SLC6A2: variants seen among roughly 807,000 people sequenced by gnomAD.
The protein encoded by SLC6A2 is sodium-dependent noradrenaline transporter.
In SLC6A2, 26 loss-of-function variants were observed where a neutral mutation model predicts 71.7. That is an observed-to-expected ratio of 0.36 (90% CI 0.27 to 0.50). The LOEUF (loss-of-function observed/expected upper bound fraction) is 0.50, where lower values mean the gene tolerates loss of function less well. SLC6A2 is among the 20% of genes least tolerant of loss of function. SLC6A2 has a pLI of 0.96. For synonymous variants in SLC6A2, 363 were observed against 337.9 expected (o/e 1.07, Z -0.82); for missense variants, 581 against 803.9 (o/e 0.72, Z 3.35).
chr16:55,690,814 G>C (rs2142579188), intron 5 of SLC6A2, among the ~76,000 whole-genome samples: 1 of 152,228 alleles, frequency 6.6e-6, no homozygotes, highest in East Asian at 1.9e-4. Flanking sequence ...CTTCCCCCAG[G>C]GTATTTGAAT....
intron 5 of SLC6A2, among the ~76,000 whole-genome samples, chr16:55,691,512 C>G (rs1258969774): frequency 2.0e-5 from 3 of 152,208 alleles, no homozygotes; most frequent in African/African-American, 7.2e-5. Flanking sequence ...TCTCTAGGCT[C>G]TTTTCCTTTA....
intron 4 of SLC6A2, among the ~76,000 whole-genome samples, chr16:55,682,504 T>A (rs1965305533): frequency 2.0e-5 from 3 of 152,124 alleles, no homozygotes; most frequent in African/African-American, 7.2e-5. Flanking sequence ...GCTGGGAGCA[T>A]TTATCTGTTT....
chr16:55,657,116 G>GAAA, intron 2 of SLC6A2, 148 bp downstream of exon 2: 4 of 709,310 alleles, frequency 5.6e-6, no homozygotes, highest in Admixed American at 2.9e-5. Context: ...GGGCTAACGG[G>GAAA]AAAAAAAAAG....
At position 55,670,847 on chromosome 16, in the gene SLC6A2, C is replaced by T. The variant is rs140571457; in HGVS notation, c.407-1091C>T. On this transcript the variant is annotated intron_variant, in intron 3 of 14. Transcript: ENST00000568943. ...TCTGATTGGCCAGGCATACATCTTGCGATGGAGGAAGAGTGGGGAGTAGCC... is the reference window on the plus strand; with the variant it reads ...TCTGATTGGCCAGGCATACATCTTGTGATGGAGGAAGAGTGGGGAGTAGCC... 7.9e-5 allele frequency among the ~76,000 whole-genome samples: 12 copies of T among 152,278 alleles called. 1 individual carries two copies. The East Asian group carries it at 2.3e-3, about 29-fold the overall frequency.
chr16:55,704,423 C>T lies in SLC6A2; in HGVS notation c.*2077C>T, dbSNP rs1226859537. On this transcript the variant is annotated 3_prime_UTR_variant, in exon 15 of 15. Coordinates refer to ENST00000568943, the MANE Select transcript of SLC6A2 (RefSeq NM_001172501.3). ...TCCCTGCACAATAGGGTTCACCCCA[C>T]CCAGGACTGTCATTTTTAAAAAACT... The T allele has an allele frequency of 6.6e-6, 1 of 152,150 alleles. No homozygotes were observed. The highest frequency in any genetic ancestry group is 2.4e-5 in the African/African-American group (1 of 41,418). The allele number at this position is 152,150 out of a possible 1,614,324, so 9.4% of individuals were successfully genotyped here.
chr16:55,669,851 C>G (rs147250240), intron 3 of SLC6A2, among the ~76,000 whole-genome samples, 155 bp downstream of exon 3: 74 of 152,268 alleles, frequency 4.9e-4, no homozygotes, highest in Non-Finnish European at 8.2e-4. Flanking sequence ...TTCCAAGTTA[C>G]GTGGAGAGCA....
In SLC6A2 at chr16:55,657,902, A is replaced by AG. The variant is rs1174007573; in HGVS notation, c.274+938dup. On this transcript the variant is annotated intron_variant, in intron 2 of 14. Coordinates refer to ENST00000568943, the MANE Select transcript of SLC6A2 (RefSeq NM_001172501.3). ...GCCCCCACCCCCTAGCTCCTTCCTG[A>AG]GGGGCTTTGCTCCTGCCACTTTTGC... 5.8e-5 allele frequency among the ~76,000 whole-genome samples: 6 copies of AG among 103,348 alleles called. No homozygotes were observed. In the East Asian group the frequency reaches 1.7e-3, roughly 29 times the overall value. 67.8% of individuals were successfully genotyped at this position (103,348 alleles called of 152,430 possible). A position where few individuals can be genotyped will look rare whatever the true frequency, so the allele number is the denominator to read the frequency against.
chr16:55,691,148 G>T lies in SLC6A2; in HGVS notation c.784-770G>T, dbSNP rs544344518. On this transcript the variant is annotated intron_variant, in intron 5 of 14. Coordinates refer to ENST00000568943, the MANE Select transcript of SLC6A2 (RefSeq NM_001172501.3). Reference sequence around the variant, plus strand: ...GATAAACATAAGGGAGAGAGTGGAGGAGAGGGAGATGAGGGAGGGGAGAGC... The same window carrying T: ...GATAAACATAAGGGAGAGAGTGGAGTAGAGGGAGATGAGGGAGGGGAGAGC... Among the ~76,000 whole-genome samples the T allele has an allele frequency of 5.5e-4, 82 of 149,760 alleles. 2 individuals carry two copies. The highest frequency in any genetic ancestry group is 2.0e-3 in the African/African-American group (80 of 40,576).
intron 13 of SLC6A2, among the ~76,000 whole-genome samples, 184 bp from the exon 14 acceptor site, chr16:55,701,679 G>T (rs1965974956): frequency 6.6e-6 from 1 of 152,228 alleles, no homozygotes; most frequent in Admixed American, 6.5e-5. Context: ...ACAGTGTCTG[G>T]ATGAGTGACT....
At chr16:55,685,776 C>T (rs2840109) in intron 5 of SLC6A2, among the ~76,000 whole-genome samples, 3,581 of 152,186 alleles carry the variant, frequency 0.024, 131 homozygotes, top group African/African-American at 0.078. Context: ...TGTGTTTCCT[C>T]GGATACAGAA....
chr16:55,657,531 A>T (rs1170227090), intron 2 of SLC6A2, among the ~76,000 whole-genome samples: 1 of 152,210 alleles, frequency 6.6e-6, no homozygotes, highest in Non-Finnish European at 1.5e-5. Context: ...GGGGATAGAA[A>T]CACACAAGAA....
chr16:55,672,786 A>C (rs1161291262), intron 4 of SLC6A2, among the ~76,000 whole-genome samples: 2 of 152,264 alleles, frequency 1.3e-5, no homozygotes, highest in Non-Finnish European at 2.9e-5. Context: ...AGCTGTATGC[A>C]GCTCTGAGAA....
At chr16:55,667,941 C>T (rs1358326905) in intron 2 of SLC6A2, among the ~76,000 whole-genome samples, 2 of 152,228 alleles carry the variant, frequency 1.3e-5, no homozygotes, top group Non-Finnish European at 2.9e-5. Context: ...TTTAATTTCT[C>T]CAACCCTCAG....
At chr16:55,690,994 T>A (rs941011412) in intron 5 of SLC6A2, among the ~76,000 whole-genome samples, 1 of 152,106 alleles carries the variant, frequency 6.6e-6, no homozygotes, top group Admixed American at 6.5e-5. Context: ...GTTGTCTGTG[T>A]CCCACATCTG....
rs141507894 is a variant in SLC6A2 at position 55,679,862 on chromosome 16, A to T, written c.645-5281A>T. 9.1e-4 allele frequency among the ~76,000 whole-genome samples: 138 copies of T among 152,274 alleles called. 1 individual carries two copies. Among genetic ancestry groups the T allele is most frequent in the East Asian group, 8.9e-3 (46 of 5,184 alleles). On this transcript the variant is annotated intron_variant, in intron 4 of 14. Transcript: ENST00000568943. ...AGGCCTCAGATTCTGAGAGACTTTC[A>T]TTGTTATCCTCCGGACCTCGATGCT...
At chr16:55,669,719 T>G in intron 3 of SLC6A2, 23 bp downstream of exon 3, 2 of 1,613,838 alleles carry the variant, frequency 1.2e-6, no homozygotes, top group Non-Finnish European at 1.7e-6. Flanking sequence ...TGGGAGAAAG[T>G]CACGGTTGTT....
At chr16:55,668,825 C>T (rs148265344) in intron 2 of SLC6A2, among the ~76,000 whole-genome samples, 58 of 152,260 alleles carry the variant, frequency 3.8e-4, no homozygotes, top group Non-Finnish European at 7.1e-4. Flanking sequence ...GAACCTCTGC[C>T]CCTTTGCTTC....
rs1303250945 is a variant in SLC6A2, at chr16:55,706,051, G to C, written c.*3705G>C. 3 of 152,226 alleles carry C rather than the reference G, an allele frequency of 2.0e-5. No individual in the cohort carries two copies. The highest frequency in any genetic ancestry group is 4.4e-5 in the Non-Finnish European group (3 of 68,042). The allele number at this position is 152,226 out of a possible 1,614,324, so 9.4% of individuals were successfully genotyped here. On this transcript the variant is annotated 3_prime_UTR_variant, in exon 15 of 15. Transcript: ENST00000568943. ...GTCTCTCTGCTTCCGTGTAAATAAA[G>C]ACTGTTTCAATTGTGTCCTCTCTGT...
chr16:55,677,475 G>C, intron 4 of SLC6A2, among the ~76,000 whole-genome samples: 1 of 152,046 alleles, frequency 6.6e-6, no homozygotes, highest in South Asian at 2.1e-4. Flanking sequence ...CTAGTATGTC[G>C]GCCCCAGCAG....
Sources: gnomAD v4.1 joint callset for allele counts (sites outside exome capture counted in the v4.1 genomes callset) on GRCh38, gnomAD v4.1.1 for gene constraint, MANE v1.5 for transcripts, NCBI Gene and HGNC (gene_info 2026-07-23, HGNC 2026-07-21) for gene names.